Variants in GLYR1 observed in about 807,000 individuals in gnomAD.
GLYR1 encodes the protein cytokine-like nuclear factor N-PAC.
Under a neutral mutation model 72.7 loss-of-function variants are expected in GLYR1, and 21 were observed. That is an observed-to-expected ratio of 0.29 (90% confidence interval 0.20 to 0.42). The LOEUF is 0.42. Ranked by LOEUF, GLYR1 falls within the 10% of genes least tolerant of loss-of-function variation. The pLI is 1.00. For missense variants in GLYR1, 594 were observed against 712.1 expected, an observed-to-expected ratio of 0.83 and a Z score of 1.89; for synonymous variants, 392 against 270.2, an observed-to-expected ratio of 1.45 and a Z score of -4.42.
chr16:4,847,145 C>A, intron 1 of GLYR1, 83 bp downstream of exon 1: 1 of 1,314,358 alleles, frequency 7.6e-7, no homozygotes, highest in Non-Finnish European at 1.1e-6. Context: ...CATAAAAAGG[C>A]AGCTCCAGGG....
intron 3 of GLYR1, among the ~76,000 whole-genome samples, chr16:4,842,372 C>CA (rs1346396727): frequency 3.3e-5 from 5 of 152,112 alleles, no homozygotes; most frequent in African/African-American, 1.2e-4. Context: ...CTTTTTAAGA[C>CA]AGGGTCTAGC....
chr16:4,811,520 G>T lies in GLYR1; in HGVS notation c.1462+103C>A, dbSNP rs2083321480. 2.8e-6 allele frequency: 4 copies of T among 1,430,376 alleles called. No individual in the cohort carries two copies. In the Admixed American group the frequency reaches 5.7e-5, roughly 20 times the overall value. 88.6% of individuals were successfully genotyped at this position (1,430,376 alleles called of 1,614,324 possible). On this transcript the variant is annotated intron_variant, in intron 14 of 15. Transcript: ENST00000321919. ...TGAACCTCCTCTGGCCAGGGTCAGG[G>T]ACTGACTGGGGAGGGGCATCTTTCA...
Position 4,814,264 on chromosome 16 carries a change from G to C in GLYR1, c.1017+273C>G, listed in dbSNP as rs182458321. Reference sequence around the variant, plus strand: ...GACCAAAGGCACATTCAGTTCCAAAGCTTCTAGTTCAACAAGAACACATGA... The same window carrying C: ...GACCAAAGGCACATTCAGTTCCAAACCTTCTAGTTCAACAAGAACACATGA... On this transcript the variant is annotated intron_variant, in intron 11 of 15. Coordinates refer to ENST00000321919, the MANE Select transcript of GLYR1 (RefSeq NM_032569.4). Among the ~76,000 whole-genome samples, 103 of 152,320 alleles carry C rather than the reference G, an allele frequency of 6.8e-4. 3 individuals are homozygous for C. The East Asian group carries it at 0.014, about 21-fold the overall frequency.
intron 10 of GLYR1, among the ~76,000 whole-genome samples, chr16:4,815,360 A>T (rs748439145): frequency 2.6e-5 from 4 of 151,838 alleles, no homozygotes; most frequent in African/African-American, 7.3e-5. Context: ...GTTGTTTATG[A>T]TTCACATTTA....
intron 1 of GLYR1, chr16:4,846,938 C>T (rs2086169133): frequency 4.2e-6 from 2 of 472,946 alleles, no homozygotes; most frequent in Non-Finnish European, 7.4e-6. Context: ...CCTCGCGGCA[C>T]CGGCGGCTCC....
rs373703121 is a variant in GLYR1, at chr16:4,805,230, G to C, written c.*6C>G. The C allele has an allele frequency of 6.2e-7, 1 of 1,613,554 alleles. No homozygotes were observed. Among genetic ancestry groups the C allele is most frequent in the Non-Finnish European group, 8.5e-7 (1 of 1,179,642 alleles). On this transcript the variant is annotated 3_prime_UTR_variant, in exon 16 of 16. Coordinates refer to ENST00000321919, the MANE Select transcript of GLYR1 (RefSeq NM_032569.4). ...ATTGGAGGGGTGAGGGCGGGGTGTCGACAGCTTAGTGTATGTAGGCTCGGT... is the reference window on the plus strand; with the variant it reads ...ATTGGAGGGGTGAGGGCGGGGTGTCCACAGCTTAGTGTATGTAGGCTCGGT...
chr16:4,808,983 C>T (rs767818911), intron 15 of GLYR1, among the ~76,000 whole-genome samples: 15 of 151,952 alleles, frequency 9.9e-5, no homozygotes, highest in East Asian at 1.9e-4. Flanking sequence ...AAAAAGTGCA[C>T]GTGTTAAGTG....
chr16:4,838,425 G>A (rs1229591865), intron 3 of GLYR1, among the ~76,000 whole-genome samples: 2 of 152,150 alleles, frequency 1.3e-5, no homozygotes, highest in African/African-American at 4.8e-5. Flanking sequence ...TGTGAGGACT[G>A]GAGGGGAAGA....
intron 3 of GLYR1, chr16:4,839,729 GGAGA>G (rs1251787736): frequency 1.3e-5 from 2 of 152,088 alleles, no homozygotes; most frequent in Non-Finnish European, 1.5e-5. Context: ...GCAGAGATGT[GGAGA>G]GAGAAAAATC....
intron 9 of GLYR1, among the ~76,000 whole-genome samples, chr16:4,818,150 A>G (rs770905709): frequency 3.9e-5 from 6 of 152,096 alleles, no homozygotes; most frequent in Non-Finnish European, 8.8e-5. Context: ...GCACGCCACC[A>G]TGCCCAGCTA....
At chr16:4,805,523 G>C (rs1318373904) in intron 15 of GLYR1, among the ~76,000 whole-genome samples, 2 of 152,204 alleles carry the variant, frequency 1.3e-5, no homozygotes, top group Non-Finnish European at 1.5e-5. Flanking sequence ...AACAGTACCC[G>C]GGGGATCTTG....
chr16:4,844,284 G>A (rs983593960), intron 3 of GLYR1, among the ~76,000 whole-genome samples: 20 of 152,126 alleles, frequency 1.3e-4, no homozygotes, highest in Admixed American at 1.2e-3. Flanking sequence ...TAATGGTCCT[G>A]GTTTCCCCAA....
intron 15 of GLYR1, among the ~76,000 whole-genome samples, chr16:4,808,660 TA>T (rs2083140751): frequency 6.6e-6 from 1 of 151,812 alleles, no homozygotes; most frequent in Non-Finnish European, 1.5e-5. Context: ...GATAGTACTT[TA>T]AAAATACAGC....
intron 4 of GLYR1, chr16:4,832,448 A>T: frequency 1.6e-6 from 1 of 611,870 alleles, no homozygotes; most frequent in South Asian, 2.1e-5. Context: ...AAAGGATTTA[A>T]ATCTAGGCAG....
intron 6 of GLYR1, among the ~76,000 whole-genome samples, chr16:4,823,172 C>A (rs987541681): frequency 6.6e-6 from 1 of 152,258 alleles, no homozygotes; most frequent in African/African-American, 2.4e-5. Flanking sequence ...TAGGTTGGTA[C>A]ACAAATTATT....
rs73517031 is a variant in GLYR1 at position 4,846,298 on chromosome 16, A to G, written c.39-88T>C. The G allele has an allele frequency of 3.8e-3, 5,451 of 1,432,270 alleles. 158 individuals carry two copies. In the African/African-American group the frequency reaches 0.063, roughly 17 times the overall value. The allele number at this position is 1,432,270 out of a possible 1,614,324, so 88.7% of individuals were successfully genotyped here. Reference sequence around the variant, plus strand: ...CTCAATACGCAATTTATTTTCCTAAATCTCTGCTGGCATCCTCAAATGCCG... The same window carrying G: ...CTCAATACGCAATTTATTTTCCTAAGTCTCTGCTGGCATCCTCAAATGCCG... On this transcript the variant is annotated intron_variant, in intron 1 of 15. Coordinates refer to ENST00000321919, the MANE Select transcript of GLYR1 (RefSeq NM_032569.4).
intron 12 of GLYR1, among the ~76,000 whole-genome samples, chr16:4,813,049 G>A (rs991590600): frequency 3.3e-5 from 5 of 151,266 alleles, no homozygotes; most frequent in South Asian, 2.1e-4. Flanking sequence ...TGCAAGCTCC[G>A]CCTCCTGGGT....
chr16:4,827,808 G>A (rs888818632), intron 5 of GLYR1, among the ~76,000 whole-genome samples: 1 of 151,926 alleles, frequency 6.6e-6, no homozygotes, highest in Non-Finnish European at 1.5e-5. Flanking sequence ...GCTGAGGCAG[G>A]AGAATGGCAT....
chr16:4,825,829 T>G (rs533922418), intron 5 of GLYR1, among the ~76,000 whole-genome samples: 1 of 152,020 alleles, frequency 6.6e-6, no homozygotes. Flanking sequence ...ATTTTTTGTA[T>G]TTTTAGTAGA....
Sources: gnomAD v4.1 joint callset for allele counts (sites outside exome capture counted in the v4.1 genomes callset) on GRCh38, gnomAD v4.1.1 for gene constraint, MANE v1.5 for transcripts, NCBI Gene and HGNC (gene_info 2026-07-23, HGNC 2026-07-21) for gene names.